Variants in LRRC37A3 observed in about 807,000 individuals in gnomAD.
The protein encoded by LRRC37A3 is leucine rich repeat containing 37 member A3.
Under a neutral mutation model 106.2 loss-of-function variants are expected in LRRC37A3, and 25 were observed. The observed-to-expected ratio is 0.24, with a 90% CI of 0.17 to 0.33. The LOEUF is 0.33. LRRC37A3 is among the 10% of genes least tolerant of loss of function. The pLI, the probability that LRRC37A3 is intolerant of heterozygous loss-of-function variation, is 1.00. For synonymous variants in LRRC37A3, 305 were observed against 635.8 expected (o/e 0.48, Z 7.83); for missense variants, 712 against 1,644.9 (o/e 0.43, Z 9.81).
intron 2 of LRRC37A3, among the ~76,000 whole-genome samples, chr17:64,918,385 TTTTTTC>T (rs1319854538): frequency 6.6e-6 from 1 of 151,300 alleles, no homozygotes; most frequent in African/African-American, 2.4e-5. Context: ...AATTTTTTTC[TTTTTTC>T]TTTATTACCC....
intron 2 of LRRC37A3, among the ~76,000 whole-genome samples, chr17:64,917,465 G>A (rs1243504844): frequency 3.9e-5 from 6 of 151,960 alleles, no homozygotes; most frequent in African/African-American, 1.4e-4. Flanking sequence ...AAAACATTAT[G>A]GAAATGTTTA....
chr17:64,918,571 T>A (rs546122996), intron 2 of LRRC37A3, among the ~76,000 whole-genome samples, 179 bp downstream of exon 2: 1 of 152,346 alleles, frequency 6.6e-6, no homozygotes, highest in South Asian at 2.1e-4. Context: ...GAAAAAAGAA[T>A]AGGTGGCTGA....
intron 11 of LRRC37A3, among the ~76,000 whole-genome samples, chr17:64,862,106 A>T: frequency 8.2e-6 from 1 of 122,342 alleles, no homozygotes; most frequent in South Asian, 2.3e-4. Flanking sequence ...CATAATTGGT[A>T]AAAAAAAAAA....
chr17:64,868,459 TAC>T lies in LRRC37A3; in HGVS notation c.3053+1_3053+2del. 2 of 1,610,254 alleles carry T rather than the reference TAC, an allele frequency of 1.2e-6. No individual in the cohort carries two copies. Among genetic ancestry groups the T allele is most frequent in the Admixed American group, 1.7e-5 (1 of 59,010 alleles). On this transcript the variant is annotated splice_donor_variant, in intron 10 of 14. Coordinates refer to ENST00000584306, the MANE Select transcript of LRRC37A3 (RefSeq NM_199340.5). LOFTEE classifies it high-confidence loss of function. Reference sequence around the variant, plus strand: ...AAATAAATCTCGGAAAAAAATAACTTACAGTTTTTCCAGTTCAACAGTCATCA... The same window carrying T: ...AAATAAATCTCGGAAAAAAATAACTTAGTTTTTCCAGTTCAACAGTCATCA...
intron 2 of LRRC37A3, among the ~76,000 whole-genome samples, chr17:64,917,693 G>A (rs1468476739): frequency 1.3e-5 from 2 of 152,276 alleles, no homozygotes; most frequent in East Asian, 1.9e-4. Flanking sequence ...CAGGCCGGGC[G>A]CGATGGCTCA....
At chr17:64,893,868 G>A (rs1315867087) in intron 4 of LRRC37A3, among the ~76,000 whole-genome samples, 1 of 148,420 alleles carries the variant, frequency 6.7e-6, no homozygotes, top group Non-Finnish European at 1.5e-5. Context: ...TAGCCAGGAT[G>A]GTCTTGATCT....
At chr17:64,856,169 C>G in intron 13 of LRRC37A3, among the ~76,000 whole-genome samples, 1 of 152,078 alleles carries the variant, frequency 6.6e-6, no homozygotes, top group Non-Finnish European at 1.5e-5. Flanking sequence ...TTGCTTATAA[C>G]CAACACGCAT....
intron 14 of LRRC37A3, 66 bp downstream of exon 14, chr17:64,855,774 C>A (rs2143346645): frequency 1.9e-6 from 3 of 1,605,908 alleles, no homozygotes; most frequent in South Asian, 1.1e-5. Context: ...TGCACTCCAG[C>A]CTGGCAACAA....
chr17:64,898,562 C>T (rs1438889039), intron 2 of LRRC37A3, 103 bp from the exon 3 acceptor site: 1 of 981,308 alleles, frequency 1.0e-6, no homozygotes, highest in African/African-American at 1.9e-5. Flanking sequence ...TTATTATAAT[C>T]AGATTTCTGA....
intron 10 of LRRC37A3, among the ~76,000 whole-genome samples, chr17:64,866,613 TA>T (rs1973099271): frequency 8.9e-5 from 2 of 22,434 alleles, no homozygotes; most frequent in South Asian, 1.7e-3. Flanking sequence ...TATATATATA[TA>T]TATATATATA....
Position 64,908,865 on chromosome 17 carries a change from C to A in LRRC37A3, c.-496+9885G>T, listed in dbSNP as rs1469616343. On this transcript the variant is annotated intron_variant, in intron 2 of 14. Transcript: ENST00000584306. ...ATTGCTTGAGGTCAGGATTTAGAGA[C>A]CAGCCTGGGCAACACAGGGATACTC... Among the ~76,000 whole-genome samples, 3 of 142,570 alleles carry A rather than the reference C, an allele frequency of 2.1e-5. No individual in the cohort carries two copies. In the East Asian group the frequency reaches 5.8e-4, roughly 28 times the overall value. 93.5% of individuals were successfully genotyped at this position (142,570 alleles called of 152,430 possible). A position where few individuals can be genotyped will look rare whatever the true frequency, so the allele number is the denominator to read the frequency against.
At chr17:64,874,227 G>C (rs530432780) in intron 8 of LRRC37A3, among the ~76,000 whole-genome samples, 3 of 152,240 alleles carry the variant, frequency 2.0e-5, no homozygotes, top group Non-Finnish European at 2.9e-5. Context: ...GTAAAACCCT[G>C]TCTCTACAAA....
At position 64,869,318 on chromosome 17, in the gene LRRC37A3, A is replaced by C. The variant is rs535470673; in HGVS notation, c.2907-152T>G. ...TAAGAAATCACCATTAGACTCCGTA[A>C]AGCACTATTCCTATGGGAACTACCG... On this transcript the variant is annotated intron_variant, in intron 8 of 14. Transcript: ENST00000584306. The C allele has an allele frequency of 9.6e-6, 13 of 1,355,670 alleles. No homozygotes were observed. In the East Asian group the frequency reaches 3.2e-4, roughly 33 times the overall value. The allele number at this position is 1,355,670 out of a possible 1,614,324, so 84.0% of individuals were successfully genotyped here.
At position 64,856,010 on chromosome 17, in the gene LRRC37A3, A is replaced by G. The variant is rs1972665790; in HGVS notation, c.4810-121T>C. On this transcript the variant is annotated intron_variant, in intron 13 of 14. Transcript: ENST00000584306. ...ACCTGATGAGGTAACTTTTTTGAAG[A>G]CAGGAATTGCATACTGTGTAACACT... The G allele has an allele frequency of 1.9e-6, 3 of 1,586,508 alleles. No homozygotes were observed. The African/African-American group carries it at 4.1e-5, about 22-fold the overall frequency.
chr17:64,916,699 T>C (rs1598440227), intron 2 of LRRC37A3, among the ~76,000 whole-genome samples: 1 of 147,702 alleles, frequency 6.8e-6, no homozygotes, highest in African/African-American at 2.5e-5. Flanking sequence ...GGTGGGAGGA[T>C]GGCTTGAACC....
In LRRC37A3 at chr17:64,862,931, G is replaced by C. The variant is rs753221089; in HGVS notation, c.3141C>G (p.Asn1047Lys). The stretch of plus-strand genomic sequence containing the variant: ...GTGTGGTGTTTGTCAGACATGCACT[G>C]TTGCAATGCAGCTTGACTGTCTTGC... The part of the protein sequence containing the change: ...AVCKTVKLHC[N>K]SACLTNTTHC... The change falls in exon 11 of 15, where the codon AAC (asparagine) becomes AAG (lysine). Residue 1047 changes from asparagine (N) to lysine (K), a missense_variant. Physicochemically the swap from Asn to Lys is moderately conservative, Grantham distance 94. Transcript: ENST00000584306. 2.5e-6 allele frequency: 4 copies of C among 1,599,072 alleles called. No individual in the cohort carries two copies. In the African/African-American group the frequency reaches 5.3e-5, roughly 21 times the overall value.
chr17:64,858,500 T>A (rs917847580), intron 13 of LRRC37A3, among the ~76,000 whole-genome samples: 1 of 152,160 alleles, frequency 6.6e-6, no homozygotes, highest in African/African-American at 2.4e-5. Context: ...GTTGACATAG[T>A]TTTGGGTGGG....
At position 64,861,987 on chromosome 17, in the gene LRRC37A3, A is replaced by G. The variant is rs188486231; in HGVS notation, c.3172+913T>C. 2.8e-3 allele frequency among the ~76,000 whole-genome samples: 425 copies of G among 152,264 alleles called. 3 individuals carry two copies. The highest frequency in any genetic ancestry group is 0.01 in the African/African-American group (420 of 41,544). ...GGGAGAACCCAGAATTGGGGCCAGA[A>G]GACCTGACACTAGGCTACAGCACTT... On this transcript the variant is annotated intron_variant, in intron 11 of 14. Transcript: ENST00000584306.
intron 11 of LRRC37A3, among the ~76,000 whole-genome samples, chr17:64,862,522 A>G (rs1302182709): frequency 6.6e-6 from 1 of 151,852 alleles, no homozygotes; most frequent in Admixed American, 6.6e-5. Flanking sequence ...GGCAGAGAGT[A>G]CTTGAGATCT....
Sources: allele counts gnomAD v4.1 joint callset (sites outside exome capture counted in the v4.1 genomes callset), GRCh38; gene constraint gnomAD v4.1.1; transcripts MANE v1.5; gene names NCBI Gene and HGNC (gene_info 2026-07-23, HGNC 2026-07-21).